The following MEF2A variants were observed in gnomAD, a reference collection of about 807,000 sequenced individuals.
MEF2A encodes myocyte enhancer factor 2A, also known as myocyte-specific enhancer factor 2A.
In MEF2A, 28 loss-of-function variants were observed where a neutral mutation model predicts 55.8. That is an observed-to-expected ratio of 0.50 (90% confidence interval 0.37 to 0.69). The LOEUF is 0.69. Ranked by LOEUF, MEF2A falls within the 30% of genes least tolerant of loss-of-function variation. The pLI is 0.00. For synonymous variants in MEF2A, 239 were observed against 227.1 expected (o/e 1.05, Z -0.47); for missense variants, 528 against 626.2 (o/e 0.84, Z 1.67).
chr15:99,683,700 G>A (rs1197638561), intron 7 of MEF2A, among the ~76,000 whole-genome samples: 1 of 125,168 alleles, frequency 8.0e-6, no homozygotes, highest in Non-Finnish European at 1.7e-5. Context: ...CACCATGCCT[G>A]GGCCTTTTAT....
intron 2 of MEF2A, among the ~76,000 whole-genome samples, chr15:99,619,019 A>C (rs951270669): frequency 1.3e-5 from 2 of 152,232 alleles, no homozygotes; most frequent in Admixed American, 6.5e-5. Flanking sequence ...AGGTGGCAGC[A>C]CTTGAAGCTT....
intron 1 of MEF2A, among the ~76,000 whole-genome samples, chr15:99,586,066 A>G (rs1967137335): frequency 3.3e-5 from 5 of 152,148 alleles, no homozygotes; most frequent in Admixed American, 3.3e-4. Context: ...TTTTATGTTT[A>G]AACTACAATT....
In MEF2A at chr15:99,712,536, AGCC is replaced by A. The variant is rs759657998; in HGVS notation, c.1290_1292del (p.Pro433del). The A allele has an allele frequency of 3.9e-3, 5,443 of 1,379,868 alleles. 14 individuals are homozygous for A. Among genetic ancestry groups the A allele is most frequent in the Non-Finnish European group, 4.7e-3 (4,787 of 1,009,058 alleles). 85.5% of individuals were successfully genotyped at this position (1,379,868 alleles called of 1,614,324 possible). On this transcript the variant is annotated inframe_deletion, in exon 12 of 12. Coordinates refer to ENST00000557942, the MANE Select transcript of MEF2A (RefSeq NM_001319206.4). The surrounding 1 kb of genome is among the most constrained non-coding windows in gnomAD (Gnocchi z 4.1). ...CAGCAGCAGCAGCAGCAGCAGCAGC[AGCC>A]GCCGCCACCACCGCAGCCCCAGCCA...
chr15:99,676,582 T>G (rs932107598), intron 7 of MEF2A, among the ~76,000 whole-genome samples: 7 of 152,102 alleles, frequency 4.6e-5, no homozygotes, highest in East Asian at 1.9e-4. Context: ...TTTTGTTTTT[T>G]TTTTTTTGAG....
intron 3 of MEF2A, among the ~76,000 whole-genome samples, chr15:99,634,463 A>G (rs1250198550): frequency 2.0e-5 from 3 of 152,224 alleles, no homozygotes; most frequent in Non-Finnish European, 2.9e-5. Flanking sequence ...TATGAAGTGT[A>G]GAGGAGGCAT....
chr15:99,626,568 G>A (rs1379801242), intron 2 of MEF2A, among the ~76,000 whole-genome samples: 2 of 151,760 alleles, frequency 1.3e-5, no homozygotes, highest in African/African-American at 2.4e-5. Flanking sequence ...GCTTTATATA[G>A]TATGTGTGTC....
At chr15:99,693,305 A>G (rs2055847746) in intron 8 of MEF2A, among the ~76,000 whole-genome samples, 2 of 152,202 alleles carry the variant, frequency 1.3e-5, no homozygotes, top group African/African-American at 2.4e-5. Context: ...CAAATGGTAT[A>G]ACATATTTAT....
chr15:99,650,741 T>C (rs534363756), intron 4 of MEF2A, among the ~76,000 whole-genome samples: 12 of 152,308 alleles, frequency 7.9e-5, no homozygotes, highest in African/African-American at 2.6e-4. Context: ...GTGAAAGTGA[T>C]TATACTTGAG....
At chr15:99,597,293 C>T (rs1305949396) in intron 1 of MEF2A, among the ~76,000 whole-genome samples, 5 of 152,082 alleles carry the variant, frequency 3.3e-5, no homozygotes, top group Non-Finnish European at 5.9e-5. Context: ...GAACTGGCCC[C>T]CCGGGTGTGG....
In MEF2A at chr15:99,632,998, T is replaced by C; in HGVS notation, c.-122T>C. 1 of 702,946 alleles carries C rather than the reference T, an allele frequency of 1.4e-6. No homozygotes were observed. The highest frequency in any genetic ancestry group is 2.4e-6 in the Non-Finnish European group (1 of 424,076). 43.5% of individuals were successfully genotyped at this position (702,946 alleles called of 1,614,324 possible). A position where few individuals can be genotyped will look rare whatever the true frequency, so the allele number is the denominator to read the frequency against. On this transcript the variant is annotated 5_prime_UTR_variant, in exon 3 of 12. Coordinates refer to ENST00000557942, the MANE Select transcript of MEF2A (RefSeq NM_001319206.4). ...TTTAGATCTTGTAGAAAATTTCAGC[T>C]GTAGCCCTTGGACTAGAAGCTGAAA... is the stretch of plus-strand genomic sequence containing the variant.
intron 4 of MEF2A, among the ~76,000 whole-genome samples, chr15:99,656,679 T>G (rs2047772791): frequency 6.6e-6 from 1 of 152,158 alleles, no homozygotes. Flanking sequence ...CATTACCTTG[T>G]ATCTTTATAA....
chr15:99,666,612 A>ATAATAAT (rs1567374687), intron 4 of MEF2A, among the ~76,000 whole-genome samples: 4 of 149,442 alleles, frequency 2.7e-5, no homozygotes, highest in Non-Finnish European at 3.0e-5. Context: ...AATAATAATA[A>ATAATAAT]AAAGATCAGC....
chr15:99,577,434 A>T (rs1443038341), intron 1 of MEF2A, among the ~76,000 whole-genome samples: 1 of 138,882 alleles, frequency 7.2e-6, no homozygotes, highest in Non-Finnish European at 1.6e-5. Flanking sequence ...GTCAGGGGGG[A>T]GTATGGACAT....
At chr15:99,676,658 C>A (rs1407226843) in intron 7 of MEF2A, among the ~76,000 whole-genome samples, 1 of 151,244 alleles carries the variant, frequency 6.6e-6, no homozygotes, top group Non-Finnish European at 1.5e-5. Context: ...CTGCAAACTT[C>A]ACCTCCCGGG....
intron 2 of MEF2A, among the ~76,000 whole-genome samples, chr15:99,624,264 C>T (rs1217944945): frequency 6.6e-6 from 1 of 151,822 alleles, no homozygotes; most frequent in South Asian, 2.1e-4. Context: ...ATTGCCAAAT[C>T]CAACATCTTG....
intron 8 of MEF2A, among the ~76,000 whole-genome samples, chr15:99,697,111 C>CA (rs1414884070): frequency 2.0e-5 from 3 of 151,810 alleles, no homozygotes; most frequent in African/African-American, 4.8e-5. Context: ...AGAGCATCTA[C>CA]AAAAAATATA....
chr15:99,655,180 A>G (rs961795263), intron 4 of MEF2A, among the ~76,000 whole-genome samples: 6 of 152,208 alleles, frequency 3.9e-5, no homozygotes, highest in African/African-American at 1.4e-4. Context: ...ATGTAGTTCA[A>G]TAGAACAGAA....
intron 1 of MEF2A, among the ~76,000 whole-genome samples, chr15:99,567,802 T>A (rs1308195556): frequency 2.0e-5 from 3 of 152,196 alleles, no homozygotes; most frequent in African/African-American, 7.2e-5. Flanking sequence ...CTGTATATCA[T>A]AAAACATTAA....
chr15:99,604,240 A>G (rs1316622677), intron 2 of MEF2A, among the ~76,000 whole-genome samples: 2 of 152,074 alleles, frequency 1.3e-5, no homozygotes, highest in Non-Finnish European at 2.9e-5. Context: ...CAAATATCCC[A>G]CTTACTCCAG....
Sources: gnomAD v4.1 joint callset for allele counts (sites outside exome capture counted in the v4.1 genomes callset) on GRCh38, gnomAD v4.1.1 for gene constraint, Gnocchi (gnomAD v3.1) non-coding constraint, MANE v1.5 for transcripts, NCBI Gene and HGNC (gene_info 2026-07-23, HGNC 2026-07-21) for gene names.